LAMA2: variants seen among roughly 807,000 people sequenced by gnomAD.
LAMA2 encodes the protein laminin subunit alpha-2.
LAMA2 carries 269 observed loss-of-function variants against 364.8 expected under a neutral mutation model. The ratio of observed to expected loss-of-function variants is 0.74; its 90% CI spans 0.67 to 0.82. The LOEUF is 0.82. LAMA2 is among the 40% of genes least tolerant of loss of function. The probability of loss-of-function intolerance (pLI) is 0.00; values close to 1 mark genes in which losing one functional copy is unlikely to be tolerated. For synonymous variants in LAMA2, 1,379 were observed against 1,370.6 expected (o/e 1.01, Z -0.14); for missense variants, 3,807 against 3,873.2 (o/e 0.98, Z 0.45).
chr6:129,206,726 T>G (rs1782704581), intron 12 of LAMA2, among the ~76,000 whole-genome samples: 1 of 152,222 alleles, frequency 6.6e-6, no homozygotes, highest in African/African-American at 2.4e-5. Context: ...TCTAAAGCTC[T>G]CCCTCTATAT....
At chr6:129,237,623 T>C (rs1177349417) in intron 12 of LAMA2, among the ~76,000 whole-genome samples, 3 of 152,070 alleles carry the variant, frequency 2.0e-5, no homozygotes, top group Non-Finnish European at 4.4e-5. Flanking sequence ...CGTGTTTCAG[T>C]GAATAGCCAT....
intron 3 of LAMA2, among the ~76,000 whole-genome samples, chr6:129,090,669 C>T (rs1326944689): frequency 2.0e-5 from 3 of 152,150 alleles, no homozygotes; most frequent in African/African-American, 7.2e-5. Context: ...TATTTCTCTA[C>T]TACTATATTT....
intron 8 of LAMA2, among the ~76,000 whole-genome samples, chr6:129,161,115 A>G (rs1014915748): frequency 6.6e-5 from 10 of 151,954 alleles, no homozygotes; most frequent in Non-Finnish European, 1.5e-4. Flanking sequence ...TATCTTATAA[A>G]TTAATATTTT....
At chr6:128,888,659 C>T (rs1772131816) in intron 1 of LAMA2, among the ~76,000 whole-genome samples, 1 of 152,086 alleles carries the variant, frequency 6.6e-6, no homozygotes, top group Non-Finnish European at 1.5e-5. Flanking sequence ...ACTCTCTGTA[C>T]AGGGAGCAGG....
intron 1 of LAMA2, among the ~76,000 whole-genome samples, chr6:128,994,422 C>T (rs1242246153): frequency 6.6e-6 from 1 of 152,186 alleles, no homozygotes. Flanking sequence ...GAATCTGATA[C>T]AGTTAGGGTC....
At chr6:129,312,219 A>G (rs1774272920) in intron 22 of LAMA2, among the ~76,000 whole-genome samples, 1 of 152,182 alleles carries the variant, frequency 6.6e-6, no homozygotes, top group Admixed American at 6.5e-5. Context: ...AAATAAAGAG[A>G]AAATCGTGTA....
chr6:129,114,126 T>C (rs570499433), intron 4 of LAMA2, among the ~76,000 whole-genome samples: 18 of 152,052 alleles, frequency 1.2e-4, no homozygotes, highest in Middle Eastern at 3.4e-3. Flanking sequence ...GACTCCAAAA[T>C]TGGATGCAGA....
At chr6:129,177,183 A>G (rs556402502) in intron 9 of LAMA2, among the ~76,000 whole-genome samples, 10 of 152,364 alleles carry the variant, frequency 6.6e-5, no homozygotes, top group African/African-American at 2.4e-4. Flanking sequence ...TCCCCAAAAT[A>G]TCAATTCCAA....
intron 18 of LAMA2, among the ~76,000 whole-genome samples, chr6:129,287,153 C>T (rs1204200642): frequency 6.7e-6 from 1 of 148,422 alleles, no homozygotes; most frequent in Non-Finnish European, 1.5e-5. Context: ...GGGAGAAAGA[C>T]CTGGAGTTTG....
At chr6:129,082,566 T>C (rs1394000220) in intron 3 of LAMA2, among the ~76,000 whole-genome samples, 1 of 152,118 alleles carries the variant, frequency 6.6e-6, no homozygotes, top group East Asian at 1.9e-4. Flanking sequence ...GCACATAAAG[T>C]ATATTATATT....
At chr6:129,161,507 G>A (rs1779436437) in intron 8 of LAMA2, among the ~76,000 whole-genome samples, 1 of 151,694 alleles carries the variant, frequency 6.6e-6, no homozygotes, top group Non-Finnish European at 1.5e-5. Context: ...TATCTTTTTA[G>A]CAGTACCTCT....
rs1583279868 is a variant in LAMA2 at position 129,220,933 on chromosome 6, G to A, written c.1782+28080G>A. Reference sequence around the variant, plus strand: ...TCCCAGCACTGTGGGAGGCCGAGGAGGGTGGATCACTTCAGATCAGGAGTT... The same window carrying A: ...TCCCAGCACTGTGGGAGGCCGAGGAAGGTGGATCACTTCAGATCAGGAGTT... On this transcript the variant is annotated intron_variant, in intron 12 of 64. Transcript: ENST00000421865. Among the ~76,000 whole-genome samples, 5 of 152,116 alleles carry A rather than the reference G, an allele frequency of 3.3e-5. No individual in the cohort carries two copies. The South Asian group carries it at 1.0e-3, about 32-fold the overall frequency.
chr6:129,283,315 G>C (rs1318336490), intron 18 of LAMA2, among the ~76,000 whole-genome samples: 1 of 152,090 alleles, frequency 6.6e-6, no homozygotes, highest in Non-Finnish European at 1.5e-5. Flanking sequence ...AGACTGTTGA[G>C]CTAAAAGTGA....
intron 24 of LAMA2, 54 bp downstream of exon 24, chr6:129,314,852 G>A: frequency 6.3e-7 from 1 of 1,595,654 alleles, no homozygotes; most frequent in Non-Finnish European, 8.6e-7. Context: ...TCCTGCTGGT[G>A]TCTTTTAGTC....
chr6:129,207,787 A>AG (rs11436520), intron 12 of LAMA2, among the ~76,000 whole-genome samples: 12,121 of 148,500 alleles, frequency 0.082, 751 homozygotes, highest in African/African-American at 0.18. Context: ...AATACCCCTG[A>AG]GAAAAAAAAA....
At position 128,994,553 on chromosome 6, in the gene LAMA2, T is replaced by C. The variant is rs559030800; in HGVS notation, c.113-55365T>C. Among the ~76,000 whole-genome samples, 8 of 152,342 alleles carry C rather than the reference T, an allele frequency of 5.3e-5. No homozygotes were observed. The East Asian group carries it at 1.5e-3, about 29-fold the overall frequency. ...ATAGGTTTATCTTTGAAACTAAAGA[T>C]TAAATTGAATTTAAGTTCTACTGTA... On this transcript the variant is annotated intron_variant, in intron 1 of 64. Coordinates refer to ENST00000421865, the MANE Select transcript of LAMA2 (RefSeq NM_000426.4).
intron 1 of LAMA2, among the ~76,000 whole-genome samples, chr6:128,902,496 A>G (rs943720212): frequency 1.3e-5 from 2 of 152,218 alleles, no homozygotes; most frequent in African/African-American, 4.8e-5. Flanking sequence ...AATCAAATAT[A>G]TAATATGATG....
intron 20 of LAMA2, among the ~76,000 whole-genome samples, chr6:129,295,016 G>A (rs890196675): frequency 6.6e-6 from 1 of 152,148 alleles, no homozygotes; most frequent in Non-Finnish European, 1.5e-5. Context: ...CAGTACTATT[G>A]TATGAAGCAG....
At chr6:129,413,745 T>G (rs942160353) in intron 40 of LAMA2, among the ~76,000 whole-genome samples, 6 of 152,126 alleles carry the variant, frequency 3.9e-5, no homozygotes, top group South Asian at 4.1e-4. Context: ...CACCTCAAAA[T>G]TTGTGTGTGC....
Sources: allele counts gnomAD v4.1 joint callset (sites outside exome capture counted in the v4.1 genomes callset), GRCh38; gene constraint gnomAD v4.1.1; transcripts MANE v1.5; gene names NCBI Gene and HGNC (gene_info 2026-07-23, HGNC 2026-07-21).